The following ANLN variants were observed in gnomAD, a reference collection of about 807,000 sequenced individuals.
The protein encoded by ANLN is anillin, actin binding protein.
A neutral mutation model predicts 135.1 loss-of-function variants in ANLN; 59 were observed. The observed-to-expected ratio is 0.44, with a 90% CI of 0.35 to 0.54. The LOEUF (loss-of-function observed/expected upper bound fraction) is 0.54. Among genes scored for constraint, ANLN ranks in the 20% least tolerant of loss-of-function variants. ANLN has a pLI of 0.00. For synonymous variants in ANLN, 406 were observed against 456.4 expected (o/e 0.89, Z 1.41); for missense variants, 1,182 against 1,340.0 (o/e 0.88, Z 1.84).
At chr7:36,423,173 A>T (rs901709397) in intron 14 of ANLN, among the ~76,000 whole-genome samples, 8 of 152,096 alleles carry the variant, frequency 5.3e-5, no homozygotes, top group African/African-American at 1.9e-4. Context: ...AATTTATTTT[A>T]AAAAATTTCT....
chr7:36,446,650 A>ACAG (rs1789013687), intron 22 of ANLN, among the ~76,000 whole-genome samples: 1 of 152,218 alleles, frequency 6.6e-6, no homozygotes. Flanking sequence ...TATTGTGAGG[A>ACAG]CAGCACCAAG....
At chr7:36,398,708 C>T (rs1241511435) in intron 2 of ANLN, among the ~76,000 whole-genome samples, 1 of 152,030 alleles carries the variant, frequency 6.6e-6, no homozygotes, top group Non-Finnish European at 1.5e-5. Context: ...TTTTGGTGCA[C>T]ACATCACCCG....
rs1313095502 is a variant in ANLN, at chr7:36,424,653, T to A, written c.2653-33T>A. ...TATATTTTTCTTAACAATATCAGAT[T>A]ATAAATTAATTATGCTTTGGGTTTG... On this transcript the variant is annotated intron_variant, in intron 16 of 23. Transcript: ENST00000265748. The A allele has an allele frequency of 1.9e-6, 3 of 1,605,522 alleles. No homozygotes were observed. In the African/African-American group the frequency reaches 4.0e-5, roughly 22 times the overall value.
intron 20 of ANLN, among the ~76,000 whole-genome samples, chr7:36,429,468 G>A (rs950004754): frequency 2.6e-5 from 4 of 151,864 alleles, no homozygotes; most frequent in South Asian, 2.1e-4. Flanking sequence ...CGATCTGCTC[G>A]CCTTGGTCTC....
intron 13 of ANLN, 141 bp from the exon 14 acceptor site, chr7:36,422,492 T>A (rs1446018399): frequency 1.4e-6 from 1 of 717,416 alleles, no homozygotes; most frequent in Non-Finnish European, 2.2e-6. Flanking sequence ...CCCAACCACC[T>A]ACCATGTTTT....
At chr7:36,452,180 A>C (rs994290038) in intron 23 of ANLN, among the ~76,000 whole-genome samples, 1 of 152,166 alleles carries the variant, frequency 6.6e-6, no homozygotes, top group African/African-American at 2.4e-5. Flanking sequence ...TGGGTGTCCT[A>C]TACCATCAGG....
chr7:36,444,340 T>C (rs187776365), intron 22 of ANLN, among the ~76,000 whole-genome samples: 3 of 150,756 alleles, frequency 2.0e-5, no homozygotes, highest in East Asian at 3.9e-4. Context: ...GTGTGTGTGA[T>C]AATCCTTTAA....
intron 20 of ANLN, among the ~76,000 whole-genome samples, chr7:36,437,411 C>T (rs758376074): frequency 1.8e-4 from 27 of 152,248 alleles, no homozygotes; most frequent in Non-Finnish European, 3.4e-4. Context: ...GTATGTACCG[C>T]ATTTTTTTGG....
At position 36,410,711 on chromosome 7, in the gene ANLN, T is replaced by C. The variant is rs774997988; in HGVS notation, c.1287+7T>C. On this transcript the variant is annotated splice_region_variant and intron_variant, in intron 6 of 23. Transcript: ENST00000265748. ...AGCACAACAGCTCAAGCAGGTATGG[T>C]GTACTGCATTTAACATTATTCATCA... The C allele has an allele frequency of 4.3e-6, 7 of 1,610,642 alleles. No individual in the cohort carries two copies. The highest frequency in any genetic ancestry group is 2.2e-5 in the South Asian group (2 of 90,640).
Position 36,424,705 on chromosome 7 carries a change from C to T in ANLN, c.2672C>T (p.Ser891Leu), listed in dbSNP as rs776330843. 3.2e-5 allele frequency: 51 copies of T among 1,612,270 alleles called. No homozygotes were observed. Among genetic ancestry groups the T allele is most frequent in the East Asian group, 2.9e-4 (13 of 44,736 alleles). ...GCGTAGGTGCAAAAGAAAGATCCCTCAGGCCTTGATAAGAAGAAAAAAACA... is the reference window on the plus strand; with the variant it reads ...GCGTAGGTGCAAAAGAAAGATCCCTTAGGCCTTGATAAGAAGAAAAAAACA... Reference protein sequence around the residue: ...VYSLVQKKDPSGLDKKKKTSK... With the variant: ...VYSLVQKKDPLGLDKKKKTSK... The change falls in exon 17 of 24, where the codon TCA becomes TTA. Residue 891 changes from serine (S) to leucine (L), a missense_variant. Coordinates refer to ENST00000265748, the MANE Select transcript of ANLN (RefSeq NM_018685.5).
Position 36,415,712 on chromosome 7 carries a change from A to G in ANLN, c.1396-46A>G, listed in dbSNP as rs757599097. The G allele has an allele frequency of 4.6e-6, 7 of 1,517,586 alleles. No homozygotes were observed. The South Asian group carries it at 6.5e-5, about 14-fold the overall frequency. The allele number at this position is 1,517,586 out of a possible 1,614,324, so 94.0% of individuals were successfully genotyped here. A position where few individuals can be genotyped will look rare whatever the true frequency, so the allele number is the denominator to read the frequency against. On this transcript the variant is annotated intron_variant, in intron 7 of 23. Transcript: ENST00000265748. ...ATTTAATAACATAGAAAGATAAAAT[A>G]TATAGTTTTGAGAAATAAAATTTAC...
At chr7:36,428,299 T>A in intron 20 of ANLN, 1 of 1,261,306 alleles carries the variant, frequency 7.9e-7, no homozygotes, top group Non-Finnish European at 1.0e-6. Flanking sequence ...TTATTTTGTC[T>A]GTTTTAGATA....
rs1787612351 is a variant in ANLN, at chr7:36,415,761, A to G, written c.1399A>G (p.Thr467Ala). The change falls in exon 8 of 24, where the codon ACT (threonine) becomes GCT (alanine). Residue 467 changes from threonine to alanine, a missense_variant. Thr to Ala is a moderately conservative substitution (Grantham distance 58). Coordinates refer to ENST00000265748, the MANE Select transcript of ANLN (RefSeq NM_018685.5). The part of the protein sequence containing the change: ...KSKQLETKQE[T>A]HCQSTPLKKH... ...ACTTTTCATTCGCTTTTTGCAGGAA[A>G]CTCACTGTCAGAGCACTCCCCTCAA... 6.3e-7 allele frequency: 1 copy of G among 1,577,418 alleles called. No homozygotes were observed. Among genetic ancestry groups the G allele is most frequent in the African/African-American group, 1.4e-5 (1 of 72,680 alleles).
At chr7:36,400,394 C>G (rs955483371) in intron 3 of ANLN, among the ~76,000 whole-genome samples, 3 of 152,114 alleles carry the variant, frequency 2.0e-5, no homozygotes, top group Non-Finnish European at 4.4e-5. Flanking sequence ...GAGTCTCACT[C>G]TGTTACCCAG....
chr7:36,399,626 A>G lies in ANLN; in HGVS notation c.487+233A>G, dbSNP rs143133518. The stretch of plus-strand genomic sequence containing the variant: ...CTAGTTCATAGAAACCTGATCTTAT[A>G]ACTGTATTACCTTAATATCTGCAAT... On this transcript the variant is annotated intron_variant, in intron 3 of 23. Transcript: ENST00000265748. Among the ~76,000 whole-genome samples the G allele has an allele frequency of 8.0e-4, 122 of 152,334 alleles. 1 individual carries two copies. Among genetic ancestry groups the G allele is most frequent in the African/African-American group, 2.7e-3 (114 of 41,574 alleles).
intron 22 of ANLN, chr7:36,449,075 T>TA (rs1399869162): frequency 6.6e-6 from 1 of 152,228 alleles, no homozygotes; most frequent in African/African-American, 2.4e-5. Context: ...AAAATTCTAA[T>TA]AGAGTTGACA....
At chr7:36,396,811 G>A (rs1786720153) in intron 2 of ANLN, among the ~76,000 whole-genome samples, 1 of 152,132 alleles carries the variant, frequency 6.6e-6, no homozygotes, top group Non-Finnish European at 1.5e-5. Flanking sequence ...TACCAGCAAG[G>A]CAATGGAAGG....
At chr7:36,440,537 A>C (rs1342931684) in intron 21 of ANLN, among the ~76,000 whole-genome samples, 1 of 152,160 alleles carries the variant, frequency 6.6e-6, no homozygotes, top group Non-Finnish European at 1.5e-5. Flanking sequence ...TTGTGCTTGC[A>C]GAGGTATGTA....
At position 36,407,840 on chromosome 7, in the gene ANLN, C is replaced by T. The variant is rs564754015; in HGVS notation, c.980C>T (p.Thr327Met). 1.5e-5 allele frequency: 24 copies of T among 1,613,632 alleles called. No homozygotes were observed. The highest frequency in any genetic ancestry group is 1.7e-5 in the Non-Finnish European group (20 of 1,179,774). The change falls in exon 5 of 24, where the codon ACG (threonine) becomes ATG (methionine). Residue 327 changes from threonine to methionine, a missense_variant. Thr to Met is a moderately conservative substitution (Grantham distance 81). Around this residue, in one of 3 missense-constraint regions of ANLN, gnomAD observed 1,022 missense variants for 1,134.0 expected, o/e 0.90. Transcript: ENST00000265748. ...LPKTPISPLK[T>M]GVSKPIVKST... Reference sequence around the variant, plus strand: ...AAAACTCCTATTAGTCCTCTGAAAACGGGGGTATCGAAACCAATTGTGAAG... The same window carrying T: ...AAAACTCCTATTAGTCCTCTGAAAATGGGGGTATCGAAACCAATTGTGAAG...
Sources: allele counts gnomAD v4.1 joint callset (sites outside exome capture counted in the v4.1 genomes callset), GRCh38; gene constraint gnomAD v4.1.1; regional missense constraint gnomAD v4.1.1; transcripts MANE v1.5; gene names NCBI Gene and HGNC (gene_info 2026-07-23, HGNC 2026-07-21).